The following RGS7 variants were observed in gnomAD, a reference collection of about 807,000 sequenced individuals.
The protein encoded by RGS7 is regulator of G protein signaling 7.
RGS7 carries 27 observed loss-of-function variants against 81.1 expected under a neutral mutation model. The ratio of observed to expected loss-of-function variants is 0.33; its 90% confidence interval spans 0.25 to 0.46. The LOEUF (loss-of-function observed/expected upper bound fraction) is 0.46. Ranked by LOEUF, RGS7 falls within the 20% of genes least tolerant of loss-of-function variation. RGS7 has a pLI of 1.00. For missense variants in RGS7, 396 were observed against 607.4 expected, an observed-to-expected ratio of 0.65 and a Z score of 3.66; for synonymous variants, 208 against 207.7, an observed-to-expected ratio of 1.00 and a Z score of -0.01.
chr1:241,257,449 A>G (rs558562702), intron 2 of RGS7, among the ~76,000 whole-genome samples: 1 of 152,352 alleles, frequency 6.6e-6, no homozygotes, highest in African/African-American at 2.4e-5. Context: ...CTGTCTCCTA[A>G]CAGACACTTA....
chr1:241,084,894 G>A, intron 3 of RGS7, among the ~76,000 whole-genome samples: 1 of 152,212 alleles, frequency 6.6e-6, no homozygotes, highest in Non-Finnish European at 1.5e-5. Flanking sequence ...TGATGATCTG[G>A]AGTGAATACC....
At chr1:241,044,332 A>G (rs1246078156) in intron 3 of RGS7, among the ~76,000 whole-genome samples, 3 of 149,232 alleles carry the variant, frequency 2.0e-5, no homozygotes, top group Non-Finnish European at 4.5e-5. Flanking sequence ...CTGGTCTCAA[A>G]CTCCCGACCT....
intron 14 of RGS7, among the ~76,000 whole-genome samples, chr1:240,806,861 A>G (rs1688943062): frequency 6.6e-6 from 1 of 152,202 alleles, no homozygotes; most frequent in Non-Finnish European, 1.5e-5. Flanking sequence ...TGGTAAGGGA[A>G]TTACAAAGAA....
At chr1:240,920,126 G>A (rs1375986244) in intron 6 of RGS7, 4 of 913,056 alleles carry the variant, frequency 4.4e-6, no homozygotes, top group African/African-American at 1.6e-5. Flanking sequence ...ATGACTCCGT[G>A]GATAAGACGG....
intron 6 of RGS7, among the ~76,000 whole-genome samples, chr1:240,906,330 A>C (rs1320538178): frequency 6.6e-6 from 1 of 152,134 alleles, no homozygotes; most frequent in African/African-American, 2.4e-5. Context: ...TTCAGAGTGC[A>C]CTCAGCAATT....
intron 6 of RGS7, among the ~76,000 whole-genome samples, chr1:240,880,664 G>A (rs1666215856): frequency 6.6e-6 from 1 of 152,146 alleles, no homozygotes; most frequent in African/African-American, 2.4e-5. Context: ...AAGCCTTTCT[G>A]CCCTCCCAGG....
chr1:241,216,826 G>A (rs774887080), intron 2 of RGS7, among the ~76,000 whole-genome samples: 5 of 152,198 alleles, frequency 3.3e-5, no homozygotes, highest in Admixed American at 1.3e-4. Context: ...TGGCCATCTT[G>A]TCATCTCTTG....
At chr1:241,250,900 T>G (rs567352906) in intron 2 of RGS7, among the ~76,000 whole-genome samples, 253 of 152,360 alleles carry the variant, frequency 1.7e-3, no homozygotes, top group African/African-American at 6.0e-3. Flanking sequence ...TTGTTATTTA[T>G]GTGTTTGTCT....
At chr1:241,258,356 T>C (rs2077146932) in intron 2 of RGS7, among the ~76,000 whole-genome samples, 1 of 152,262 alleles carries the variant, frequency 6.6e-6, no homozygotes, top group African/African-American at 2.4e-5. Context: ...GTCTTACACA[T>C]TTCAGGAACG....
intron 2 of RGS7, among the ~76,000 whole-genome samples, chr1:241,270,282 C>T (rs1429508289): frequency 6.6e-6 from 1 of 152,138 alleles, no homozygotes; most frequent in African/African-American, 2.4e-5. Flanking sequence ...GTGGGGCTCT[C>T]GGTCTAGGAT....
intron 6 of RGS7, among the ~76,000 whole-genome samples, chr1:240,881,411 A>T (rs1156695804): frequency 6.6e-6 from 1 of 152,200 alleles, no homozygotes; most frequent in Non-Finnish European, 1.5e-5. Flanking sequence ...ATGACGAGTT[A>T]ATGGGTGCAG....
At chr1:240,914,182 C>T (rs914852766) in intron 6 of RGS7, among the ~76,000 whole-genome samples, 2 of 151,296 alleles carry the variant, frequency 1.3e-5, no homozygotes, top group East Asian at 3.9e-4. Flanking sequence ...AAACACTCAT[C>T]GATTATGATA....
intron 2 of RGS7, among the ~76,000 whole-genome samples, chr1:241,236,748 GCC>G (rs1319353994): frequency 6.6e-6 from 1 of 152,136 alleles, no homozygotes; most frequent in African/African-American, 2.4e-5. Flanking sequence ...TAAACTTGCA[GCC>G]GAGAAAGGTT....
chr1:241,039,409 G>A (rs995834275), intron 3 of RGS7, among the ~76,000 whole-genome samples: 5 of 152,122 alleles, frequency 3.3e-5, no homozygotes, highest in African/African-American at 1.2e-4. Context: ...CTTATTCGTT[G>A]AATCAGACAC....
intron 2 of RGS7, among the ~76,000 whole-genome samples, chr1:241,329,235 G>A (rs1310189361): frequency 2.0e-5 from 3 of 152,192 alleles, no homozygotes; most frequent in Non-Finnish European, 4.4e-5. Flanking sequence ...AGATACTAGT[G>A]AGTTACAACC....
chr1:241,298,661 G>C (rs2079559567), intron 2 of RGS7, among the ~76,000 whole-genome samples: 1 of 152,156 alleles, frequency 6.6e-6, no homozygotes, highest in Admixed American at 6.5e-5. Flanking sequence ...AAATTCTGGA[G>C]CCTACAGAGT....
At chr1:241,205,631 T>G (rs1009702161) in intron 2 of RGS7, among the ~76,000 whole-genome samples, 1 of 151,944 alleles carries the variant, frequency 6.6e-6, no homozygotes, top group Non-Finnish European at 1.5e-5. Context: ...TTTTGTATTT[T>G]TGTATTTTTA....
chr1:240,969,195 T>C (rs1682813461), intron 4 of RGS7, among the ~76,000 whole-genome samples: 1 of 152,240 alleles, frequency 6.6e-6, no homozygotes, highest in African/African-American at 2.4e-5. Context: ...CTTCTTCCCT[T>C]CTTCCTTTTT....
At chr1:240,874,527 A>C (rs1442115365) in intron 6 of RGS7, among the ~76,000 whole-genome samples, 2 of 152,218 alleles carry the variant, frequency 1.3e-5, no homozygotes, top group African/African-American at 4.8e-5. Context: ...TAAATCTGGT[A>C]TGTAACAAAA....
Sources: allele counts gnomAD v4.1 joint callset (sites outside exome capture counted in the v4.1 genomes callset), GRCh38; gene constraint gnomAD v4.1.1; transcripts MANE v1.5; gene names NCBI Gene and HGNC (gene_info 2026-07-23, HGNC 2026-07-21).